STRBP: variants seen among roughly 807,000 people sequenced by gnomAD.
STRBP encodes the protein spermatid perinuclear RNA binding protein.
Under a neutral mutation model 80.1 loss-of-function variants are expected in STRBP, and 13 were observed. The observed-to-expected ratio is 0.16, with a 90% CI of 0.11 to 0.26. STRBP has a LOEUF of 0.26. Ranked by LOEUF, STRBP falls within the 10% of genes least tolerant of loss-of-function variation. The pLI, the probability that STRBP is intolerant of heterozygous loss-of-function variation, is 1.00. For synonymous variants in STRBP, 284 were observed against 291.2 expected (o/e 0.98, Z 0.25); for missense variants, 485 against 815.2 (o/e 0.59, Z 4.93).
chr9:123,230,181 C>T (rs1450543680), intron 2 of STRBP, among the ~76,000 whole-genome samples: 1 of 152,154 alleles, frequency 6.6e-6, no homozygotes, highest in African/African-American at 2.4e-5. Flanking sequence ...GGTCCATGGT[C>T]TGACAGATGT....
chr9:123,237,142 C>A (rs1045049339), intron 1 of STRBP, among the ~76,000 whole-genome samples, 176 bp from the exon 2 acceptor site: 1 of 152,100 alleles, frequency 6.6e-6, no homozygotes, highest in South Asian at 2.1e-4. Context: ...ATCTCAATAA[C>A]AACAACAAAA....
intron 2 of STRBP, among the ~76,000 whole-genome samples, chr9:123,208,582 T>C (rs1365567912): frequency 1.3e-5 from 2 of 152,210 alleles, no homozygotes; most frequent in Non-Finnish European, 1.5e-5. Context: ...CATTGTAGTA[T>C]AAAAGCATCC....
chr9:123,205,898 T>C (rs1044674134), intron 2 of STRBP, among the ~76,000 whole-genome samples: 10 of 152,166 alleles, frequency 6.6e-5, no homozygotes, highest in Non-Finnish European at 1.5e-5. Context: ...TTTTAAAACC[T>C]GACGTAAATC....
chr9:123,248,552 G>T (rs2040848519), intron 1 of STRBP, among the ~76,000 whole-genome samples: 3 of 152,070 alleles, frequency 2.0e-5, no homozygotes, highest in African/African-American at 4.8e-5. Flanking sequence ...TTACAGGCAT[G>T]AGCCACCGCG....
chr9:123,211,466 T>C (rs745759810), intron 2 of STRBP, among the ~76,000 whole-genome samples: 25 of 152,154 alleles, frequency 1.6e-4, no homozygotes, highest in Non-Finnish European at 2.9e-4. Context: ...AAGTCACATA[T>C]AGGTTATTAT....
intron 2 of STRBP, among the ~76,000 whole-genome samples, chr9:123,235,062 A>G (rs1344910353): frequency 1.3e-5 from 2 of 151,470 alleles, no homozygotes; most frequent in Non-Finnish European, 2.9e-5. Flanking sequence ...CATTACAACC[A>G]GTATTCAAAT....
At position 123,123,251 on chromosome 9, in the gene STRBP, G is replaced by A; in HGVS notation, c.*2346C>T. 6.1e-6 allele frequency: 6 copies of A among 985,396 alleles called. No individual in the cohort carries two copies. Among genetic ancestry groups the A allele is most frequent in the Non-Finnish European group, 7.2e-6 (6 of 829,930 alleles). 61.0% of individuals were successfully genotyped at this position (985,396 alleles called of 1,614,324 possible). ...AAAGAGCAGAGAAGCAAAACTTCATGTTAATCTCAGGCAATTTGGTGAAGC... is the reference window on the plus strand; with the variant it reads ...AAAGAGCAGAGAAGCAAAACTTCATATTAATCTCAGGCAATTTGGTGAAGC... On this transcript the variant is annotated 3_prime_UTR_variant, in exon 19 of 19. Transcript: ENST00000348403.
chr9:123,217,062 G>A (rs1006814340), intron 2 of STRBP, among the ~76,000 whole-genome samples: 1 of 152,118 alleles, frequency 6.6e-6, no homozygotes, highest in African/African-American at 2.4e-5. Flanking sequence ...ATTGAGTTCC[G>A]ATGTCAGGAA....
At chr9:123,166,661 C>T (rs1588029389) in intron 6 of STRBP, among the ~76,000 whole-genome samples, 1 of 151,810 alleles carries the variant, frequency 6.6e-6, no homozygotes, top group African/African-American at 2.4e-5. Context: ...GGCTGAGGCA[C>T]GAGAATTGCT....
In STRBP at chr9:123,124,076, A is replaced by C. The variant is rs1390984680; in HGVS notation, c.*1521T>G. ...GTGTAATATATATCTGAGAAGTGAC[A>C]CTAACATTTGTTGTACATTGCCCAT... On this transcript the variant is annotated 3_prime_UTR_variant, in exon 19 of 19. Transcript: ENST00000348403. 2 of 985,324 alleles carry C rather than the reference A, an allele frequency of 2.0e-6. No individual in the cohort carries two copies. Among genetic ancestry groups the C allele is most frequent in the Non-Finnish European group, 2.4e-6 (2 of 829,936 alleles). The allele number at this position is 985,324 out of a possible 1,614,324, so 61.0% of individuals were successfully genotyped here. A position where few individuals can be genotyped will look rare whatever the true frequency, so the allele number is the denominator to read the frequency against.
intron 1 of STRBP, among the ~76,000 whole-genome samples, chr9:123,264,942 G>A (rs2041237264): frequency 6.6e-6 from 1 of 152,156 alleles, no homozygotes; most frequent in African/African-American, 2.4e-5. Flanking sequence ...AACTTTCAAA[G>A]CTCACTCTAT....
At chr9:123,211,212 C>T (rs2039697363) in intron 2 of STRBP, among the ~76,000 whole-genome samples, 1 of 152,090 alleles carries the variant, frequency 6.6e-6, no homozygotes, top group South Asian at 2.1e-4. Flanking sequence ...AGTGAATGAA[C>T]TACAATGACA....
chr9:123,124,671 A>G lies in STRBP; in HGVS notation c.*926T>C, dbSNP rs751504468. ...AAAAAAGCCAGGGAGTGAACACAATATCTTACAGAGTGAAGAAGGCCACAA... is the reference window on the plus strand; with the variant it reads ...AAAAAAGCCAGGGAGTGAACACAATGTCTTACAGAGTGAAGAAGGCCACAA... On this transcript the variant is annotated 3_prime_UTR_variant, in exon 19 of 19. Coordinates refer to ENST00000348403, the MANE Select transcript of STRBP (RefSeq NM_018387.5). 63 of 985,452 alleles carry G rather than the reference A, an allele frequency of 6.4e-5. No individual in the cohort carries two copies. The highest frequency in any genetic ancestry group is 7.1e-5 in the Non-Finnish European group (59 of 829,930). 61.0% of individuals were successfully genotyped at this position (985,452 alleles called of 1,614,324 possible).
intron 2 of STRBP, among the ~76,000 whole-genome samples, chr9:123,186,706 A>G (rs1699647932): frequency 1.3e-5 from 2 of 152,148 alleles, no homozygotes; most frequent in South Asian, 2.1e-4. Context: ...TTACAGACCA[A>G]TGCTTTTTCC....
At chr9:123,259,222 A>G (rs1346090235) in intron 1 of STRBP, among the ~76,000 whole-genome samples, 1 of 152,248 alleles carries the variant, frequency 6.6e-6, no homozygotes, top group East Asian at 1.9e-4. Flanking sequence ...AGAAGAGTCA[A>G]GAATGTCTCC....
intron 12 of STRBP, 58 bp from the exon 13 acceptor site, chr9:123,147,112 C>T (rs540374557): frequency 1.1e-5 from 17 of 1,518,050 alleles, no homozygotes; most frequent in South Asian, 4.9e-5. Flanking sequence ...TTGCTTTATG[C>T]GTTTTTGGGG....
chr9:123,169,020 A>T (rs1254317430), intron 6 of STRBP, among the ~76,000 whole-genome samples: 1 of 151,564 alleles, frequency 6.6e-6, no homozygotes, highest in African/African-American at 2.4e-5. Context: ...CAAACCTCCT[A>T]AAAAAAAATT....
chr9:123,214,380 T>C (rs1408641536), intron 2 of STRBP, among the ~76,000 whole-genome samples: 1 of 152,080 alleles, frequency 6.6e-6, no homozygotes, highest in Non-Finnish European at 1.5e-5. Flanking sequence ...TAAAAGACTA[T>C]AAATCAGGTT....
intron 1 of STRBP, among the ~76,000 whole-genome samples, chr9:123,246,461 C>T (rs1178866868): frequency 6.6e-6 from 1 of 152,124 alleles, no homozygotes; most frequent in African/African-American, 2.4e-5. Context: ...TTTAACAGTG[C>T]CTGTTACATT....
Sources: gnomAD v4.1 joint callset for allele counts (sites outside exome capture counted in the v4.1 genomes callset) on GRCh38, gnomAD v4.1.1 for gene constraint, MANE v1.5 for transcripts, NCBI Gene and HGNC (gene_info 2026-07-23, HGNC 2026-07-21) for gene names.